Variants in MICU3 observed in about 807,000 individuals in gnomAD.
MICU3 encodes the protein mitochondrial calcium uptake 3, also known as calcium uptake protein 3, mitochondrial.
MICU3 carries 62 observed loss-of-function variants against 66.5 expected under a neutral mutation model. The observed-to-expected ratio is 0.93, with a 90% CI of 0.76 to 1.15. The LOEUF is 1.15. Ranked by LOEUF, MICU3 falls within the 50% of genes most tolerant of loss-of-function variation. The pLI, the probability that MICU3 is intolerant of heterozygous loss-of-function variation, is 0.00. For missense variants in MICU3, 779 were observed against 664.4 expected (o/e 1.17, Z -1.90); for synonymous variants, 308 against 240.7 (o/e 1.28, Z -2.59).
At chr8:17,123,595 G>C (rs547092149), downstream of MICU3, among the ~76,000 whole-genome samples, 8 of 152,192 alleles carry the variant, frequency 5.3e-5, no homozygotes, top group South Asian at 1.7e-3. Context: ...AATGTTGCTG[G>C]TGAGCTGTAA....
At chr8:17,044,599 A>G (rs1198700633) in intron 1 of MICU3, among the ~76,000 whole-genome samples, 1 of 152,228 alleles carries the variant, frequency 6.6e-6, no homozygotes, top group South Asian at 2.1e-4. Context: ...ATCCTAGTCC[A>G]AAAGCAATGT....
At chr8:17,032,154 G>A (rs1035536015) in intron 1 of MICU3, among the ~76,000 whole-genome samples, 80 of 152,288 alleles carry the variant, frequency 5.3e-4, no homozygotes, top group African/African-American at 1.5e-3. Flanking sequence ...GAATTGGGAC[G>A]ACTTCAGTAA....
At chr8:17,113,232 T>A (rs953168622) in intron 11 of MICU3, among the ~76,000 whole-genome samples, 1 of 152,202 alleles carries the variant, frequency 6.6e-6, no homozygotes, top group Admixed American at 6.5e-5. Flanking sequence ...ACCCTTGTAT[T>A]AAGTAAGAAT....
At chr8:17,114,876 T>C (rs1190828341) in intron 12 of MICU3, among the ~76,000 whole-genome samples, 2 of 151,678 alleles carry the variant, frequency 1.3e-5, no homozygotes, top group Non-Finnish European at 2.9e-5. Flanking sequence ...TCCCAGCACT[T>C]TGGGAGGCTG....
chr8:17,131,108 A>C, the MICU3 span: 1 of 152,236 alleles, frequency 6.6e-6, no homozygotes, highest in Non-Finnish European at 1.5e-5. Context: ...GACAAAAACC[A>C]CCATTTAAAC....
chr8:17,107,317 G>A (rs1274405724), intron 11 of MICU3, among the ~76,000 whole-genome samples: 3 of 152,160 alleles, frequency 2.0e-5, no homozygotes, highest in Non-Finnish European at 4.4e-5. Flanking sequence ...TGAGCTATGC[G>A]AAGTTCTGGG....
rs915493913 is a variant in MICU3 at position 17,116,730 on chromosome 8, A to C, written c.1524+130A>C. ...ACATGAATGCTTTATTTGAAAAGAA[A>C]AAACATAGGCCTTACTTCCCTTAAA... is the stretch of plus-strand genomic sequence containing the variant. On this transcript the variant is annotated intron_variant, in intron 13 of 14. Coordinates refer to ENST00000318063, the MANE Select transcript of MICU3 (RefSeq NM_181723.3). 22 of 649,214 alleles carry C rather than the reference A, an allele frequency of 3.4e-5. 1 individual carries two copies. The highest frequency in any genetic ancestry group is 5.4e-5 in the Non-Finnish European group (22 of 405,976). 40.2% of individuals were successfully genotyped at this position (649,214 alleles called of 1,614,324 possible).
At chr8:17,050,064 T>C (rs1265230224) in intron 1 of MICU3, among the ~76,000 whole-genome samples, 1 of 152,166 alleles carries the variant, frequency 6.6e-6, no homozygotes, top group African/African-American at 2.4e-5. Context: ...AAATTTTGAT[T>C]GTTTCTATTT....
At chr8:17,034,708 A>G (rs1812682137) in intron 1 of MICU3, among the ~76,000 whole-genome samples, 2 of 152,240 alleles carry the variant, frequency 1.3e-5, no homozygotes, top group Admixed American at 1.3e-4. Flanking sequence ...AACTACAATT[A>G]GAAATGGAGC....
chr8:17,031,719 A>C (rs1373971207), intron 1 of MICU3, among the ~76,000 whole-genome samples: 3 of 152,190 alleles, frequency 2.0e-5, no homozygotes, highest in Non-Finnish European at 4.4e-5. Context: ...TGGCGTGTAA[A>C]TTAACCTGTA....
intron 6 of MICU3, among the ~76,000 whole-genome samples, chr8:17,086,653 C>T (rs1799505537): frequency 6.6e-6 from 1 of 152,114 alleles, no homozygotes; most frequent in African/African-American, 2.4e-5. Context: ...TTCCATCCCC[C>T]TGACTTAAAG....
downstream of MICU3, among the ~76,000 whole-genome samples, chr8:17,127,558 G>A (rs1803435556): frequency 1.3e-5 from 2 of 152,202 alleles, no homozygotes; most frequent in Non-Finnish European, 2.9e-5. Context: ...TCTATGGAAA[G>A]TATCCTTTAC....
intron 1 of MICU3, among the ~76,000 whole-genome samples, chr8:17,062,117 T>G (rs530383534): frequency 6.6e-6 from 1 of 152,272 alleles, no homozygotes; most frequent in South Asian, 2.1e-4. Context: ...TCACCATCCT[T>G]TTACTACACT....
At chr8:17,066,747 A>G (rs1312656757) in intron 2 of MICU3, among the ~76,000 whole-genome samples, 4 of 151,424 alleles carry the variant, frequency 2.6e-5, no homozygotes, top group African/African-American at 9.7e-5. Context: ...GGGTTTTGCT[A>G]TGTTTCCCAG....
chr8:17,123,730 T>C (rs559054113), downstream of MICU3, among the ~76,000 whole-genome samples: 7 of 152,134 alleles, frequency 4.6e-5, no homozygotes, highest in African/African-American at 1.7e-4. Flanking sequence ...TTCAATGAAA[T>C]ACTATATAAC....
Position 17,086,101 on chromosome 8 carries a change from C to G in MICU3, c.777+783C>G, listed in dbSNP as rs374976306. Among the ~76,000 whole-genome samples the G allele has an allele frequency of 7.2e-5, 11 of 152,168 alleles. No individual in the cohort carries two copies. In the South Asian group the frequency reaches 1.0e-3, roughly 14 times the overall value. On this transcript the variant is annotated intron_variant, in intron 6 of 14. Transcript: ENST00000318063. Reference sequence around the variant, plus strand: ...AGTAAAAAGAAAGGGAAATCAACAGCCATTTTCTTTTCTTCTTTTGTTTTC... The same window carrying G: ...AGTAAAAAGAAAGGGAAATCAACAGGCATTTTCTTTTCTTCTTTTGTTTTC...
chr8:17,057,630 G>A (rs1312496720), intron 1 of MICU3, among the ~76,000 whole-genome samples: 6 of 151,878 alleles, frequency 4.0e-5, no homozygotes, highest in African/African-American at 1.5e-4. Context: ...ACTCCTCTCA[G>A]TCTCTTCCCT....
At chr8:17,076,043 T>G (rs1820343060) in intron 3 of MICU3, among the ~76,000 whole-genome samples, 1 of 152,194 alleles carries the variant, frequency 6.6e-6, no homozygotes, top group Admixed American at 6.5e-5. Flanking sequence ...TTATATTTTT[T>G]TGAGACAGGT....
intron 13 of MICU3, among the ~76,000 whole-genome samples, chr8:17,117,751 G>A (rs1802821334): frequency 6.6e-6 from 1 of 151,986 alleles, no homozygotes. Flanking sequence ...TGGGATTACA[G>A]GTGTGCACAA....
Sources: gnomAD v4.1 joint callset for allele counts (sites outside exome capture counted in the v4.1 genomes callset) on GRCh38, gnomAD v4.1.1 for gene constraint, MANE v1.5 for transcripts, NCBI Gene and HGNC (gene_info 2026-07-23, HGNC 2026-07-21) for gene names.